Variants in TMEM117 observed in about 807,000 individuals in gnomAD.
The protein encoded by TMEM117 is transmembrane protein 117.
TMEM117 carries 27 observed loss-of-function variants against 52.4 expected under a neutral mutation model. The ratio of observed to expected loss-of-function variants is 0.51; its 90% confidence interval spans 0.38 to 0.71. TMEM117 has a LOEUF of 0.71. TMEM117 is among the 30% of genes least tolerant of loss of function. TMEM117 has a pLI of 0.00. For synonymous variants in TMEM117, 215 were observed against 206.3 expected, an observed-to-expected ratio of 1.04 and a Z score of -0.36; for missense variants, 556 against 630.5, an observed-to-expected ratio of 0.88 and a Z score of 1.26.
intron 4 of TMEM117, among the ~76,000 whole-genome samples, chr12:44,170,848 A>G (rs111908620): frequency 3.9e-5 from 6 of 152,170 alleles, no homozygotes; most frequent in Non-Finnish European, 8.8e-5. Context: ...CTTAATATTA[A>G]TGCTTTACAT....
intron 3 of TMEM117, among the ~76,000 whole-genome samples, chr12:44,032,782 C>T (rs1011135100): frequency 6.6e-6 from 1 of 152,160 alleles, no homozygotes; most frequent in African/African-American, 2.4e-5. Context: ...ACCTTGAATA[C>T]AAGAGACCCT....
intron 3 of TMEM117, among the ~76,000 whole-genome samples, chr12:44,054,916 G>A (rs1015598620): frequency 9.9e-5 from 15 of 151,628 alleles, no homozygotes; most frequent in African/African-American, 2.4e-4. Flanking sequence ...GACAGGCCCC[G>A]GTGTATAGAC....
the TMEM117 span, among the ~76,000 whole-genome samples, chr12:43,823,815 TA>T: frequency 4.0e-4 from 59 of 145,992 alleles, no homozygotes; most frequent in Non-Finnish European, 3.3e-4. Flanking sequence ...GAGTGTAATT[TA>T]AAAAAAAAAA....
At chr12:43,807,328 A>G in the TMEM117 span, among the ~76,000 whole-genome samples, 6 of 152,176 alleles carry the variant, frequency 3.9e-5, no homozygotes, top group African/African-American at 7.2e-5. Flanking sequence ...CAGGCCTGCA[A>G]TTGTTTTTCT....
intron 5 of TMEM117, among the ~76,000 whole-genome samples, chr12:44,224,577 G>A (rs1477823212): frequency 6.6e-6 from 1 of 151,434 alleles, no homozygotes; most frequent in Admixed American, 6.6e-5. Flanking sequence ...TAATATAAAA[G>A]GAAATTACCT....
chr12:44,343,267 G>A (rs1397308420), intron 6 of TMEM117, among the ~76,000 whole-genome samples: 1 of 151,842 alleles, frequency 6.6e-6, no homozygotes, highest in Non-Finnish European at 1.5e-5. Context: ...AAGAGACTTT[G>A]CCTAGGGGAA....
chr12:44,309,525 C>T (rs1950946064), intron 6 of TMEM117, among the ~76,000 whole-genome samples: 1 of 152,014 alleles, frequency 6.6e-6, no homozygotes, highest in South Asian at 2.1e-4. Flanking sequence ...GCAATGAAAA[C>T]ACTACTGGAC....
chr12:44,250,904 G>A (rs1454245294), intron 5 of TMEM117, among the ~76,000 whole-genome samples: 1 of 152,032 alleles, frequency 6.6e-6, no homozygotes, highest in African/African-American at 2.4e-5. Flanking sequence ...CTTAAAACCT[G>A]GATGACAGGT....
chr12:44,284,366 C>A (rs550337899), intron 5 of TMEM117, among the ~76,000 whole-genome samples: 77 of 152,248 alleles, frequency 5.1e-4, no homozygotes, highest in African/African-American at 1.7e-3. Context: ...TCTGAAGCCT[C>A]CCCAGCCACG....
At chr12:44,348,014 T>C (rs917882390) in intron 6 of TMEM117, among the ~76,000 whole-genome samples, 6 of 151,736 alleles carry the variant, frequency 4.0e-5, no homozygotes, top group African/African-American at 1.5e-4. Context: ...ACCAATGGAG[T>C]AATGGAAACT....
At chr12:44,234,533 TTAAA>T (rs1949971270) in intron 5 of TMEM117, among the ~76,000 whole-genome samples, 1 of 151,334 alleles carries the variant, frequency 6.6e-6, no homozygotes, top group Non-Finnish European at 1.5e-5. Context: ...AATTATTCAT[TTAAA>T]TAAACTAATC....
At chr12:44,227,529 G>A (rs1462411405) in intron 5 of TMEM117, among the ~76,000 whole-genome samples, 1 of 152,088 alleles carries the variant, frequency 6.6e-6, no homozygotes, top group African/African-American at 2.4e-5. Context: ...CTTGCAAGTT[G>A]GAACAAAATG....
At chr12:44,200,205 G>A (rs1949476704) in intron 4 of TMEM117, among the ~76,000 whole-genome samples, 1 of 152,074 alleles carries the variant, frequency 6.6e-6, no homozygotes, top group Admixed American at 6.5e-5. Flanking sequence ...CACTTTTCAT[G>A]TTTCATTTAT....
intron 2 of TMEM117, among the ~76,000 whole-genome samples, chr12:43,879,321 A>T (rs948220115): frequency 6.6e-6 from 1 of 152,230 alleles, no homozygotes. Context: ...TAAATACTAA[A>T]ATAGAAACAA....
intron 5 of TMEM117, among the ~76,000 whole-genome samples, chr12:44,254,900 C>G (rs1442881396): frequency 1.3e-5 from 2 of 151,540 alleles, no homozygotes; most frequent in African/African-American, 4.9e-5. Flanking sequence ...TGAGTGAGAA[C>G]ATGCGGTGTT....
chr12:44,120,810 A>G (rs1948221268), intron 3 of TMEM117, among the ~76,000 whole-genome samples: 1 of 152,196 alleles, frequency 6.6e-6, no homozygotes, highest in African/African-American at 2.4e-5. Context: ...AACCATAGTT[A>G]AGAGGTCCTA....
chr12:44,311,767 ATG>A (rs1475923049), intron 6 of TMEM117, among the ~76,000 whole-genome samples: 54 of 127,168 alleles, frequency 4.2e-4, no homozygotes, highest in East Asian at 1.6e-3. Context: ...GTATATATAT[ATG>A]TATATATGTG....
At chr12:44,246,379 T>G (rs1950129880) in intron 5 of TMEM117, among the ~76,000 whole-genome samples, 1 of 152,180 alleles carries the variant, frequency 6.6e-6, no homozygotes, top group African/African-American at 2.4e-5. Context: ...GAATAAGGTA[T>G]TAATATGTCC....
At chr12:44,214,929 G>A (rs902376412) in intron 5 of TMEM117, among the ~76,000 whole-genome samples, 1 of 152,150 alleles carries the variant, frequency 6.6e-6, no homozygotes, top group Non-Finnish European at 1.5e-5. Flanking sequence ...AGTAAAAAGG[G>A]CATTTGGGGT....
Sources: gnomAD v4.1 joint callset for allele counts (sites outside exome capture counted in the v4.1 genomes callset) on GRCh38, gnomAD v4.1.1 for gene constraint, MANE v1.5 for transcripts, NCBI Gene and HGNC (gene_info 2026-07-23, HGNC 2026-07-21) for gene names.